The following DENND2A variants were observed in gnomAD, a reference collection of about 807,000 sequenced individuals.
DENND2A encodes the protein DENN domain-containing protein 2A.
Under a neutral mutation model 105.3 loss-of-function variants are expected in DENND2A, and 53 were observed. The ratio of observed to expected loss-of-function variants is 0.50; its 90% CI spans 0.40 to 0.63. The LOEUF (loss-of-function observed/expected upper bound fraction) is 0.63. Among genes scored for constraint, DENND2A ranks in the 30% least tolerant of loss-of-function variants. DENND2A has a pLI of 0.00. For synonymous variants in DENND2A, 522 were observed against 508.4 expected, an observed-to-expected ratio of 1.03 and a Z score of -0.36; for missense variants, 1,138 against 1,279.6, an observed-to-expected ratio of 0.89 and a Z score of 1.69.
chr7:140,604,335 C>T (rs528093275), intron 2 of DENND2A, among the ~76,000 whole-genome samples: 3 of 152,202 alleles, frequency 2.0e-5, no homozygotes, highest in East Asian at 1.9e-4. Flanking sequence ...TAGAAACTTG[C>T]GAAAACGCAA....
intron 3 of DENND2A, among the ~76,000 whole-genome samples, chr7:140,592,880 G>A (rs1799120964): frequency 6.6e-6 from 1 of 152,118 alleles, no homozygotes; most frequent in Admixed American, 6.6e-5. Context: ...TGGGATTACA[G>A]GTGTGAGCCA....
intron 2 of DENND2A, among the ~76,000 whole-genome samples, chr7:140,603,502 A>C (rs1799593223): frequency 1.3e-5 from 2 of 152,120 alleles, no homozygotes; most frequent in Non-Finnish European, 2.9e-5. Flanking sequence ...TCTGAACAGA[A>C]CCTCCTCTGG....
At chr7:140,561,669 AT>A (rs1242616480) in intron 9 of DENND2A, among the ~76,000 whole-genome samples, 5,859 of 94,352 alleles carry the variant, frequency 0.062, 140 homozygotes, top group African/African-American at 0.089. Context: ...ACACCTAGCT[AT>A]TTTTTTTTTT....
At chr7:140,557,822 G>A (rs932072459) in intron 11 of DENND2A, among the ~76,000 whole-genome samples, 20 of 151,714 alleles carry the variant, frequency 1.3e-4, no homozygotes, top group Non-Finnish European at 2.2e-4. Context: ...ACAGGCGTGA[G>A]CCACCGCGCC....
rs183825767 is a variant in DENND2A at position 140,579,555 on chromosome 7, G to C, written c.1246-5547C>G. Among the ~76,000 whole-genome samples the C allele has an allele frequency of 7.9e-5, 12 of 151,770 alleles. No homozygotes were observed. The East Asian group carries it at 2.4e-3, about 30-fold the overall frequency. On this transcript the variant is annotated intron_variant, in intron 5 of 19. Transcript: ENST00000496613. Reference sequence around the variant, plus strand: ...TTACAGGCGCACACCACTGCACCCGGCTAATTTTTGTATTTTCAGTAGAGA... The same window carrying C: ...TTACAGGCGCACACCACTGCACCCGCCTAATTTTTGTATTTTCAGTAGAGA...
rs1415868296 is a variant in DENND2A at position 140,559,962 on chromosome 7, A to G, written c.1780-145T>C. ...TTCCCTTGGGAAGAGCTTGCAGCTC[A>G]GTCGGCTGGGGCATTTTCCCCCCAG... On this transcript the variant is annotated intron_variant, in intron 9 of 19. Transcript: ENST00000496613. This position sits in a 1 kb window ranked among gnomAD's most constrained non-coding sequence, Gnocchi z 4.1. The G allele has an allele frequency of 1.6e-5, 11 of 696,170 alleles. No homozygotes were observed. The highest frequency in any genetic ancestry group is 9.4e-5 in the South Asian group (6 of 63,822). The allele number at this position is 696,170 out of a possible 1,614,324, so 43.1% of individuals were successfully genotyped here.
At chr7:140,520,762 T>C (rs1450894661) in intron 18 of DENND2A, among the ~76,000 whole-genome samples, 1 of 151,734 alleles carries the variant, frequency 6.6e-6, no homozygotes, top group African/African-American at 2.4e-5. Context: ...TTTCACCAAG[T>C]TGGCCAGGTT....
intron 14 of DENND2A, among the ~76,000 whole-genome samples, chr7:140,537,508 GTC>G (rs1796492610): frequency 6.6e-6 from 1 of 152,162 alleles, no homozygotes; most frequent in Non-Finnish European, 1.5e-5. Context: ...CAGTGGTGCA[GTC>G]ATAGCTCACT....
chr7:140,564,572 C>T (rs915600713), intron 9 of DENND2A, among the ~76,000 whole-genome samples: 3 of 152,134 alleles, frequency 2.0e-5, no homozygotes, highest in African/African-American at 7.2e-5. Context: ...AAAATGTTAA[C>T]AGTGACGGTC....
Position 140,551,804 on chromosome 7 carries a change from A to T in DENND2A, c.2037+3832T>A, listed in dbSNP as rs74878199. Among the ~76,000 whole-genome samples the T allele has an allele frequency of 6.6e-5, 10 of 152,326 alleles. 1 individual carries two copies. The East Asian group carries it at 1.9e-3, about 29-fold the overall frequency. ...TTTTGGCCATCCTTGCTCCACGCCT[A>T]GAAATAGCTCAAGTTCCTGGGATCA... On this transcript the variant is annotated intron_variant, in intron 12 of 19. Transcript: ENST00000496613.
At chr7:140,549,540 G>A (rs1467571379) in intron 12 of DENND2A, among the ~76,000 whole-genome samples, 6 of 152,202 alleles carry the variant, frequency 3.9e-5, no homozygotes, top group African/African-American at 1.2e-4. Context: ...GGTGTAAGCC[G>A]CCATGCCCGG....
At chr7:140,591,737 CTCTCTTTTCTT>C (rs1394903186) in intron 3 of DENND2A, among the ~76,000 whole-genome samples, 1 of 147,974 alleles carries the variant, frequency 6.8e-6, no homozygotes, top group Non-Finnish European at 1.5e-5. Flanking sequence ...TCCTTTCTCT[CTCTCTTTTCTT>C]TCTCTTTCCC....
chr7:140,630,312 T>C (rs770527976), intron 1 of DENND2A, among the ~76,000 whole-genome samples: 3 of 152,184 alleles, frequency 2.0e-5, no homozygotes, highest in Non-Finnish European at 4.4e-5. Context: ...GGTTTCACCA[T>C]GTTGCCCAGG....
chr7:140,571,405 G>GC (rs1463514040), intron 6 of DENND2A, among the ~76,000 whole-genome samples: 19 of 152,028 alleles, frequency 1.2e-4, no homozygotes, highest in African/African-American at 4.6e-4. Flanking sequence ...GAAGTGATCT[G>GC]CCCACCTCAG....
intron 11 of DENND2A, 132 bp downstream of exon 11, chr7:140,558,011 C>T: frequency 1.5e-6 from 1 of 677,854 alleles, no homozygotes; most frequent in Non-Finnish European, 2.5e-6. Flanking sequence ...CCTGCCACTC[C>T]CCCTGCTCCT....
chr7:140,591,055 TG>T (rs2130658474), intron 3 of DENND2A, among the ~76,000 whole-genome samples: 1 of 152,244 alleles, frequency 6.6e-6, no homozygotes, highest in Non-Finnish European at 1.5e-5. Flanking sequence ...CCTAGCACTT[TG>T]GGAGGCCGAA....
At chr7:140,535,378 T>C (rs1441635341) in intron 14 of DENND2A, among the ~76,000 whole-genome samples, 1 of 152,232 alleles carries the variant, frequency 6.6e-6, no homozygotes, top group East Asian at 1.9e-4. Context: ...ATCACTGTAC[T>C]TGCAAACCCT....
At chr7:140,586,468 A>G (rs994408345) in intron 4 of DENND2A, among the ~76,000 whole-genome samples, 3 of 152,022 alleles carry the variant, frequency 2.0e-5, no homozygotes, top group Non-Finnish European at 4.4e-5. Context: ...CTGAGGCAGG[A>G]GAATTGCATG....
At chr7:140,578,000 G>A (rs1160078444) in intron 5 of DENND2A, among the ~76,000 whole-genome samples, 2 of 152,096 alleles carry the variant, frequency 1.3e-5, no homozygotes, top group East Asian at 3.9e-4. Context: ...AACATGTATG[G>A]CACCTAAATC....
Sources: allele counts gnomAD v4.1 joint callset (sites outside exome capture counted in the v4.1 genomes callset), GRCh38; gene constraint gnomAD v4.1.1; non-coding constraint Gnocchi (gnomAD v3.1); transcripts MANE v1.5; gene names NCBI Gene and HGNC (gene_info 2026-07-23, HGNC 2026-07-21).